The following SDCCAG8 variants were observed in gnomAD, a reference collection of about 807,000 sequenced individuals.
SDCCAG8 encodes the protein SHH signaling and ciliogenesis regulator SDCCAG8, also known as serologically defined colon cancer antigen 8.
A neutral mutation model predicts 101.8 loss-of-function variants in SDCCAG8; 74 were observed. The observed-to-expected ratio is 0.73, with a 90% CI of 0.60 to 0.88. The LOEUF (loss-of-function observed/expected upper bound fraction) is 0.88. SDCCAG8 is among the 40% of genes least tolerant of loss of function. The pLI, the probability that SDCCAG8 is intolerant of heterozygous loss-of-function variation, is 0.00. For missense variants in SDCCAG8, 787 were observed against 822.6 expected (o/e 0.96, Z 0.53); for synonymous variants, 281 against 292.9 (o/e 0.96, Z 0.41).
Position 243,378,792 on chromosome 1 carries a change from C to A in SDCCAG8, c.1545C>A (p.Ala515=), listed in dbSNP as rs200048002. ...QHLEQEQQKA[A]LAREECLRLT... ...TGGAACAGGAGCAGCAGAAGGCAGC[C>A]CTGGCCAGAGAGGAGTGCCTGAGAC... is the stretch of plus-strand genomic sequence containing the variant. Residue 515 remains alanine, a synonymous_variant, in exon 13 of 18, where the codon GCC becomes GCA. Coordinates refer to ENST00000366541, the MANE Select transcript of SDCCAG8 (RefSeq NM_006642.5). The A allele has an allele frequency of 1.2e-6, 2 of 1,613,988 alleles. No homozygotes were observed. The highest frequency in any genetic ancestry group is 1.7e-6 in the Non-Finnish European group (2 of 1,179,974).
chr1:243,323,002 G>T (rs909629117), intron 9 of SDCCAG8, among the ~76,000 whole-genome samples: 1 of 152,020 alleles, frequency 6.6e-6, no homozygotes, highest in Non-Finnish European at 1.5e-5. Flanking sequence ...GGGCATGGTG[G>T]TGTGCGCCTG....
rs2073473407 is a variant in SDCCAG8 at position 243,318,595 on chromosome 1, C to G, written c.1068+1702C>G. Reference sequence around the variant, plus strand: ...GTCCATTTGTCTTTATCCAGTTCATCCATAACTCTTCCCGTTTGACCCTCA... The same window carrying G: ...GTCCATTTGTCTTTATCCAGTTCATGCATAACTCTTCCCGTTTGACCCTCA... On this transcript the variant is annotated intron_variant, in intron 9 of 17. Coordinates refer to ENST00000366541, the MANE Select transcript of SDCCAG8 (RefSeq NM_006642.5). 16 of 984,312 alleles carry G rather than the reference C, an allele frequency of 1.6e-5. 1 individual carries two copies. The South Asian group carries it at 6.6e-4, about 40-fold the overall frequency. 61.0% of individuals were successfully genotyped at this position (984,312 alleles called of 1,614,324 possible). A position where few individuals can be genotyped will look rare whatever the true frequency, so the allele number is the denominator to read the frequency against.
chr1:243,400,686 C>T (rs1261336441), intron 13 of SDCCAG8, among the ~76,000 whole-genome samples: 1 of 151,992 alleles, frequency 6.6e-6, no homozygotes, highest in Non-Finnish European at 1.5e-5. Flanking sequence ...TGTGTTTATT[C>T]TAGAAAACAA....
At chr1:243,391,521 A>G (rs1573765078) in intron 13 of SDCCAG8, among the ~76,000 whole-genome samples, 1 of 152,322 alleles carries the variant, frequency 6.6e-6, no homozygotes, top group South Asian at 2.1e-4. Flanking sequence ...GCCTCTCCCC[A>G]GCAGGCAGGG....
At chr1:243,302,347 GA>G (rs35702682) in intron 6 of SDCCAG8, among the ~76,000 whole-genome samples, 42,116 of 152,014 alleles carry the variant, frequency 0.28, 5,948 homozygotes, top group South Asian at 0.46. Context: ...TACTCTGGGG[GA>G]AAAAATGTCA....
chr1:243,328,523 C>T (rs544146712), intron 9 of SDCCAG8, among the ~76,000 whole-genome samples: 3 of 151,590 alleles, frequency 2.0e-5, no homozygotes, highest in South Asian at 2.1e-4. Flanking sequence ...GCAATCCACC[C>T]GCCTCAGCCT....
intron 2 of SDCCAG8, 57 bp downstream of exon 2, chr1:243,270,314 G>A (rs1266075563): frequency 2.2e-5 from 32 of 1,459,946 alleles, no homozygotes; most frequent in Middle Eastern, 1.7e-4. Flanking sequence ...TTTAAACTCC[G>A]TAGAATAATA....
intron 13 of SDCCAG8, among the ~76,000 whole-genome samples, chr1:243,402,901 G>GCTAC (rs2079502898): frequency 6.6e-6 from 1 of 152,140 alleles, no homozygotes; most frequent in Non-Finnish European, 1.5e-5. Flanking sequence ...GAGAGAGGAA[G>GCTAC]CTACCACTTA....
intron 14 of SDCCAG8, 52 bp from the exon 15 acceptor site, chr1:243,417,916 G>T: frequency 7.5e-7 from 1 of 1,338,552 alleles, no homozygotes; most frequent in Non-Finnish European, 1.1e-6. Flanking sequence ...AAGCACTGCA[G>T]AGCGACAACC....
intron 12 of SDCCAG8, among the ~76,000 whole-genome samples, chr1:243,363,392 C>T (rs1330030565): frequency 6.6e-6 from 1 of 152,160 alleles, no homozygotes; most frequent in African/African-American, 2.4e-5. Context: ...ATGAGGAAAT[C>T]GGGCATGGAT....
At chr1:243,476,555 A>G (rs1277294499) in intron 16 of SDCCAG8, among the ~76,000 whole-genome samples, 1 of 152,226 alleles carries the variant, frequency 6.6e-6, no homozygotes, top group Admixed American at 6.5e-5. Context: ...TGGGAGCACC[A>G]GAAAGTCCCC....
chr1:243,407,399 A>G (rs2079861722), intron 13 of SDCCAG8, among the ~76,000 whole-genome samples: 1 of 152,188 alleles, frequency 6.6e-6, no homozygotes, highest in Non-Finnish European at 1.5e-5. Context: ...AGATGTTATG[A>G]AGAATAGAGA....
intron 13 of SDCCAG8, among the ~76,000 whole-genome samples, chr1:243,388,889 T>C (rs2078504450): frequency 6.7e-6 from 1 of 149,756 alleles, no homozygotes; most frequent in Non-Finnish European, 1.5e-5. Flanking sequence ...CCTGGTTATT[T>C]GGGAGGCTAC....
chr1:243,296,283 A>G (rs988679831), intron 6 of SDCCAG8, among the ~76,000 whole-genome samples: 1 of 152,188 alleles, frequency 6.6e-6, no homozygotes, highest in South Asian at 2.1e-4. Context: ...TGTGTGAACC[A>G]CTGCACCCGG....
At chr1:243,467,127 C>T (rs1013567311) in intron 16 of SDCCAG8, among the ~76,000 whole-genome samples, 3 of 152,234 alleles carry the variant, frequency 2.0e-5, no homozygotes, top group East Asian at 1.9e-4. Context: ...ACCTATTGTG[C>T]GTAGACCCTC....
chr1:243,405,603 G>A (rs1390435476), intron 13 of SDCCAG8, among the ~76,000 whole-genome samples: 1 of 152,074 alleles, frequency 6.6e-6, no homozygotes, highest in African/African-American at 2.4e-5. Context: ...TAATTATTAA[G>A]GAGAGCTTAT....
intron 14 of SDCCAG8, among the ~76,000 whole-genome samples, chr1:243,417,213 A>G (rs1489392976): frequency 6.6e-6 from 1 of 152,204 alleles, no homozygotes; most frequent in Non-Finnish European, 1.5e-5. Flanking sequence ...AAACAAAAAG[A>G]GGCAATTGTA....
At chr1:243,463,101 C>A (rs1168137092) in intron 16 of SDCCAG8, among the ~76,000 whole-genome samples, 2 of 152,304 alleles carry the variant, frequency 1.3e-5, no homozygotes, top group South Asian at 4.1e-4. Flanking sequence ...AAAATGCATT[C>A]TTTCATTCAA....
At chr1:243,284,387 G>C (rs1282346268) in intron 4 of SDCCAG8, among the ~76,000 whole-genome samples, 1 of 152,200 alleles carries the variant, frequency 6.6e-6, no homozygotes, top group South Asian at 2.1e-4. Context: ...GAGATATGCA[G>C]TTCTTTCTGT....
Sources: allele counts gnomAD v4.1 joint callset (sites outside exome capture counted in the v4.1 genomes callset), GRCh38; gene constraint gnomAD v4.1.1; transcripts MANE v1.5; gene names NCBI Gene and HGNC (gene_info 2026-07-23, HGNC 2026-07-21).